The following PNLIPRP3 variants were observed in gnomAD, a reference collection of about 807,000 sequenced individuals.
PNLIPRP3 encodes the protein pancreatic lipase related protein 3.
Under a neutral mutation model 52.8 loss-of-function variants are expected in PNLIPRP3, and 58 were observed. The ratio of observed to expected loss-of-function variants is 1.10; its 90% confidence interval spans 0.89 to 1.37. The LOEUF is 1.37. PNLIPRP3 is among the 40% of genes most tolerant of loss of function. The probability of loss-of-function intolerance (pLI) is 0.00; values close to 1 mark genes in which losing one functional copy is unlikely to be tolerated. For missense variants in PNLIPRP3, 593 were observed against 561.6 expected (o/e 1.06, Z -0.57); for synonymous variants, 192 against 185.0 (o/e 1.04, Z -0.31).
chr10:116,437,583 C>T (rs1360474623), intron 2 of PNLIPRP3, among the ~76,000 whole-genome samples: 1 of 152,106 alleles, frequency 6.6e-6, no homozygotes, highest in Non-Finnish European at 1.5e-5. Context: ...TAGTTCCTTC[C>T]TGTGGAGTTT....
At chr10:116,463,274 C>T (rs996029347) in intron 7 of PNLIPRP3, among the ~76,000 whole-genome samples, 1 of 152,160 alleles carries the variant, frequency 6.6e-6, no homozygotes, top group Admixed American at 6.5e-5. Flanking sequence ...TCCTGAGATT[C>T]TGCTTCGTGT....
At chr10:116,434,619 G>C (rs1001189732) in intron 1 of PNLIPRP3, among the ~76,000 whole-genome samples, 1 of 151,982 alleles carries the variant, frequency 6.6e-6, no homozygotes, top group South Asian at 2.1e-4. Context: ...GATAACCCTG[G>C]TAAGCGATAA....
intron 9 of PNLIPRP3, 57 bp from the exon 10 acceptor site, chr10:116,471,711 C>T: frequency 2.3e-6 from 3 of 1,321,208 alleles, no homozygotes; most frequent in Non-Finnish European, 3.3e-6. Context: ...GGAAGTCATA[C>T]TTCCCATGTG....
At chr10:116,439,517 T>C in intron 2 of PNLIPRP3, 1 of 795,320 alleles carries the variant, frequency 1.3e-6, no homozygotes, top group East Asian at 2.5e-5. Flanking sequence ...CTTCCACTTT[T>C]TTCCGGGCAA....
intron 8 of PNLIPRP3, among the ~76,000 whole-genome samples, chr10:116,468,195 T>A (rs1210543327): frequency 6.7e-6 from 1 of 150,172 alleles, no homozygotes; most frequent in Non-Finnish European, 1.5e-5. Flanking sequence ...TCTCTTTATG[T>A]ACTTGAGTGG....
At chr10:116,440,798 G>C (rs1334642686) in intron 2 of PNLIPRP3, among the ~76,000 whole-genome samples, 8 of 152,178 alleles carry the variant, frequency 5.3e-5, no homozygotes, top group Non-Finnish European at 4.4e-5. Context: ...GGTGGTGATG[G>C]ACATGTTGCA....
At chr10:116,428,438 G>A (rs145333497) in intron 1 of PNLIPRP3, among the ~76,000 whole-genome samples, 110 of 152,182 alleles carry the variant, frequency 7.2e-4, no homozygotes, top group African/African-American at 2.6e-3. Flanking sequence ...TCTAAGAAGG[G>A]TACATAGTAA....
chr10:116,439,502 C>G (rs1215402479), intron 2 of PNLIPRP3: 1 of 748,746 alleles, frequency 1.3e-6, no homozygotes, highest in East Asian at 2.5e-5. Flanking sequence ...CTTCTTCATC[C>G]TCCTCTTCCA....
chr10:116,473,195 T>C (rs760357283), intron 10 of PNLIPRP3, among the ~76,000 whole-genome samples: 7 of 152,246 alleles, frequency 4.6e-5, no homozygotes, highest in Non-Finnish European at 8.8e-5. Flanking sequence ...TAAGTAAGCA[T>C]TGAAGGTTCA....
intron 2 of PNLIPRP3, chr10:116,439,829 G>A (rs1026795454): frequency 1.3e-6 from 1 of 777,548 alleles, no homozygotes; most frequent in Non-Finnish European, 2.4e-6. Context: ...TTCATTTCCC[G>A]ATCATAGCGC....
chr10:116,449,505 T>C (rs563051046), intron 4 of PNLIPRP3, among the ~76,000 whole-genome samples: 1 of 152,184 alleles, frequency 6.6e-6, no homozygotes, highest in Non-Finnish European at 1.5e-5. Flanking sequence ...GGTCATTATA[T>C]AATGATAAAA....
chr10:116,445,558 T>TAA (rs3032169), intron 4 of PNLIPRP3, among the ~76,000 whole-genome samples: 5,738 of 148,604 alleles, frequency 0.039, 239 homozygotes, highest in African/African-American at 0.082. Flanking sequence ...CTTCTCTTTA[T>TAA]AAAAAAAAAA....
At chr10:116,475,133 G>A (rs184519381) in intron 10 of PNLIPRP3, among the ~76,000 whole-genome samples, 29 of 152,310 alleles carry the variant, frequency 1.9e-4, no homozygotes, top group Middle Eastern at 3.4e-3. Flanking sequence ...GTCCTTTGCA[G>A]GAACATGGAT....
At chr10:116,428,133 G>T in intron 1 of PNLIPRP3, 72 bp downstream of exon 1, 1 of 1,093,590 alleles carries the variant, frequency 9.1e-7, no homozygotes, top group South Asian at 1.5e-5. Flanking sequence ...TAATTGACAT[G>T]AACTTATTCT....
At chr10:116,431,411 C>T (rs1175338363) in intron 1 of PNLIPRP3, among the ~76,000 whole-genome samples, 1 of 152,110 alleles carries the variant, frequency 6.6e-6, no homozygotes, top group Non-Finnish European at 1.5e-5. Flanking sequence ...CCACCTACCC[C>T]TATTCAAACT....
At chr10:116,455,536 C>G (rs1846099638) in intron 4 of PNLIPRP3, among the ~76,000 whole-genome samples, 186 bp from the exon 5 acceptor site, 1 of 152,180 alleles carries the variant, frequency 6.6e-6, no homozygotes, top group Admixed American at 6.5e-5. Context: ...TTCTTCCAAG[C>G]TCATCTGTTC....
chr10:116,446,306 G>A (rs1053289187), intron 4 of PNLIPRP3, among the ~76,000 whole-genome samples: 5 of 141,140 alleles, frequency 3.5e-5, no homozygotes, highest in South Asian at 4.4e-4. Context: ...AGATGGCGCC[G>A]CTGCACTCCA....
At chr10:116,439,773 G>T (rs1845830979) in intron 2 of PNLIPRP3, 3 of 771,692 alleles carry the variant, frequency 3.9e-6, no homozygotes, top group Non-Finnish European at 7.2e-6. Flanking sequence ...GCCTTTTAGG[G>T]GCATTAGGAT....
chr10:116,442,646 T>C (rs1194500349), intron 2 of PNLIPRP3, among the ~76,000 whole-genome samples: 1 of 152,148 alleles, frequency 6.6e-6, no homozygotes, highest in Non-Finnish European at 1.5e-5. Flanking sequence ...GGAAGATCAC[T>C]TGAGGCCAGG....
Sources: gnomAD v4.1 joint callset for allele counts (sites outside exome capture counted in the v4.1 genomes callset) on GRCh38, gnomAD v4.1.1 for gene constraint, MANE v1.5 for transcripts, NCBI Gene and HGNC (gene_info 2026-07-23, HGNC 2026-07-21) for gene names.